Variants in NRG3 observed in about 807,000 individuals in gnomAD.
The protein encoded by NRG3 is pro-neuregulin-3, membrane-bound isoform.
In NRG3, 31 loss-of-function variants were observed where a neutral mutation model predicts 66.9. The ratio of observed to expected loss-of-function variants is 0.46; its 90% CI spans 0.35 to 0.63. The LOEUF is 0.63. Among genes scored for constraint, NRG3 ranks in the 20% least tolerant of loss-of-function variants. The pLI is 0.00. For missense variants in NRG3, 910 were observed against 878.9 expected, an observed-to-expected ratio of 1.04 and a Z score of -0.45; for synonymous variants, 393 against 359.4, an observed-to-expected ratio of 1.09 and a Z score of -1.06.
At chr10:82,131,064 A>G (rs750659900) in intron 1 of NRG3, among the ~76,000 whole-genome samples, 6 of 151,958 alleles carry the variant, frequency 3.9e-5, no homozygotes, top group African/African-American at 1.4e-4. Flanking sequence ...TTCTTTGTCT[A>G]TTTTTGCTTT....
At position 82,239,958 on chromosome 10, in the gene NRG3, C is replaced by T. The variant is rs775264507; in HGVS notation, c.824-118781C>T. Among the ~76,000 whole-genome samples, 37 of 152,198 alleles carry T rather than the reference C, an allele frequency of 2.4e-4. 1 individual carries two copies. The Middle Eastern group carries it at 0.027, about 112-fold the overall frequency. On this transcript the variant is annotated intron_variant, in intron 1 of 8. Coordinates refer to ENST00000372141, the MANE Select transcript of NRG3 (RefSeq NM_001010848.4). ...AGAAAAGTGACTCTTAATATTATAA[C>T]GCCTTTCCCATAATAGAGTGTACTG...
At chr10:82,851,884 A>G (rs527779260) in intron 3 of NRG3, among the ~76,000 whole-genome samples, 3 of 152,328 alleles carry the variant, frequency 2.0e-5, no homozygotes, top group African/African-American at 7.2e-5. Flanking sequence ...AATGACTATA[A>G]TAATTAGAGT....
intron 1 of NRG3, among the ~76,000 whole-genome samples, chr10:82,174,775 A>C (rs1360034594): frequency 6.6e-6 from 1 of 151,894 alleles, no homozygotes; most frequent in Non-Finnish European, 1.5e-5. Context: ...CCACATCCTC[A>C]TACTGGGGCA....
intron 1 of NRG3, among the ~76,000 whole-genome samples, chr10:82,081,139 A>G (rs1298643368): frequency 6.6e-6 from 1 of 152,204 alleles, no homozygotes; most frequent in Non-Finnish European, 1.5e-5. Flanking sequence ...GTGTAAAGGT[A>G]TATAGACATG....
At chr10:82,759,926 C>G (rs2135046278) in intron 3 of NRG3, among the ~76,000 whole-genome samples, 1 of 152,162 alleles carries the variant, frequency 6.6e-6, no homozygotes, top group Admixed American at 6.6e-5. Context: ...AGAGGAAACT[C>G]TATGGGTTCT....
intron 1 of NRG3, among the ~76,000 whole-genome samples, chr10:82,152,985 C>T (rs185239602): frequency 5.3e-5 from 8 of 151,808 alleles, no homozygotes; most frequent in East Asian, 3.9e-4. Flanking sequence ...GATACACACA[C>T]GCGCACACAC....
At chr10:82,690,616 CAA>C (rs2054853095) in intron 2 of NRG3, among the ~76,000 whole-genome samples, 1 of 152,078 alleles carries the variant, frequency 6.6e-6, no homozygotes, top group South Asian at 2.1e-4. Flanking sequence ...ACAGAAAATG[CAA>C]AGAATCTTTG....
chr10:82,336,747 G>C (rs1056913744), intron 1 of NRG3, among the ~76,000 whole-genome samples: 1 of 151,902 alleles, frequency 6.6e-6, no homozygotes, highest in African/African-American at 2.4e-5. Flanking sequence ...AAAGACAACC[G>C]TTATCTTTCA....
chr10:82,013,131 C>G (rs2061647380), intron 1 of NRG3, among the ~76,000 whole-genome samples: 1 of 152,134 alleles, frequency 6.6e-6, no homozygotes, highest in Admixed American at 6.5e-5. Context: ...GTTTAATGGA[C>G]TCACAGTTCC....
rs1446746610 is a variant in NRG3 at position 82,985,408 on chromosome 10, G to C, written c.1894G>C (p.Glu632Gln). ...AEQQEVKILLETVQEQIRILT... is the reference protein window; with the variant it reads ...AEQQEVKILLQTVQEQIRILT... ...ACAACAAGAAGTGAAAATATTGCTA[G>C]AAACTGTCCAGGAGCAGATCCGAAT... Residue 632 changes from glutamate (E) to glutamine (Q), a missense_variant, in exon 9 of 9, where the codon GAA (glutamate) becomes CAA (glutamine). Transcript: ENST00000372141. 7 of 1,614,156 alleles carry C rather than the reference G, an allele frequency of 4.3e-6. No individual in the cohort carries two copies. In the South Asian group the frequency reaches 6.6e-5, roughly 15 times the overall value.
chr10:82,012,336 G>C (rs2061613131), intron 1 of NRG3, among the ~76,000 whole-genome samples: 1 of 151,244 alleles, frequency 6.6e-6, no homozygotes, highest in African/African-American at 2.4e-5. Context: ...GGGGACCCTG[G>C]TCCCAGCCCA....
chr10:82,170,408 C>G (rs2072477988), intron 1 of NRG3, among the ~76,000 whole-genome samples: 1 of 151,482 alleles, frequency 6.6e-6, no homozygotes, highest in South Asian at 2.1e-4. Flanking sequence ...AAATCATAGC[C>G]CAACATTTTT....
intron 1 of NRG3, among the ~76,000 whole-genome samples, chr10:82,342,741 A>G (rs2082749390): frequency 6.6e-6 from 1 of 151,728 alleles, no homozygotes; most frequent in African/African-American, 2.4e-5. Flanking sequence ...TTTATCATTT[A>G]TTTTGCTTTG....
chr10:82,585,671 T>C (rs184928617), intron 2 of NRG3, among the ~76,000 whole-genome samples: 1 of 152,284 alleles, frequency 6.6e-6, no homozygotes, highest in African/African-American at 2.4e-5. Flanking sequence ...ATTTCTTCTC[T>C]ACAACCTTGT....
intron 5 of NRG3, among the ~76,000 whole-genome samples, chr10:82,953,454 T>C (rs1849722948): frequency 6.6e-6 from 1 of 151,946 alleles, no homozygotes; most frequent in African/African-American, 2.4e-5. Context: ...TAGGAGTTAC[T>C]CTCTTTTGTG....
chr10:82,344,877 G>A lies in NRG3; in HGVS notation c.824-13862G>A, dbSNP rs577342425. On this transcript the variant is annotated intron_variant, in intron 1 of 8. Transcript: ENST00000372141. Reference sequence around the variant, plus strand: ...AAATGTCTTCTTTTGAGAAGTGTCCGTTCATGTCCTTCGCCCACTTTTTGA... The same window carrying A: ...AAATGTCTTCTTTTGAGAAGTGTCCATTCATGTCCTTCGCCCACTTTTTGA... Among the ~76,000 whole-genome samples the A allele has an allele frequency of 1.8e-4, 21 of 118,956 alleles. 1 individual carries two copies. In the East Asian group the frequency reaches 5.0e-3, roughly 28 times the overall value. The allele number at this position is 118,956 out of a possible 152,430, so 78.0% of individuals were successfully genotyped here. A position where few individuals can be genotyped will look rare whatever the true frequency, so the allele number is the denominator to read the frequency against.
intron 3 of NRG3, among the ~76,000 whole-genome samples, chr10:82,797,694 A>T (rs895271411): frequency 1.2e-4 from 19 of 152,160 alleles, no homozygotes; most frequent in Admixed American, 1.2e-3. Context: ...CTTGCAATAA[A>T]TAACTGTTTT....
At chr10:82,660,196 C>CAAAAAAAAAAAAAAAAAAAAAA (rs58870828) in intron 2 of NRG3, among the ~76,000 whole-genome samples, 1 of 19,566 alleles carries the variant, frequency 5.1e-5, no homozygotes, top group Non-Finnish European at 9.6e-5. Context: ...AACTCCCTCT[C>CAAAAAAAAAAAAAAAAAAAAAA]AAAAAAAAAA....
chr10:82,251,856 G>A (rs1371379245), intron 1 of NRG3, among the ~76,000 whole-genome samples: 1 of 152,016 alleles, frequency 6.6e-6, no homozygotes, highest in Non-Finnish European at 1.5e-5. Context: ...ATCTCCCTGT[G>A]GGGGGCTTCT....
Sources: gnomAD v4.1 joint callset for allele counts (sites outside exome capture counted in the v4.1 genomes callset) on GRCh38, gnomAD v4.1.1 for gene constraint, MANE v1.5 for transcripts, NCBI Gene and HGNC (gene_info 2026-07-23, HGNC 2026-07-21) for gene names.